ASXL3: variants seen among roughly 807,000 people sequenced by gnomAD.
The protein encoded by ASXL3 is putative Polycomb group protein ASXL3.
ASXL3 carries 34 observed loss-of-function variants against 170.6 expected under a neutral mutation model. The observed-to-expected ratio is 0.20, with a 90% CI of 0.15 to 0.27. The LOEUF (loss-of-function observed/expected upper bound fraction) is 0.27, where lower values mean the gene tolerates loss of function less well. ASXL3 is among the 10% of genes least tolerant of loss of function. ASXL3 has a pLI of 1.00. For synonymous variants in ASXL3, 1,002 were observed against 989.1 expected (o/e 1.01, Z -0.24); for missense variants, 2,592 against 2,695.3 (o/e 0.96, Z 0.85).
intron 2 of ASXL3, among the ~76,000 whole-genome samples, chr18:33,621,492 G>A (rs2065511538): frequency 6.6e-6 from 1 of 152,122 alleles, no homozygotes; most frequent in South Asian, 2.1e-4. Context: ...AAAACTGTTG[G>A]CAGGAGTTAG....
chr18:33,598,020 C>T (rs776723003), intron 1 of ASXL3, among the ~76,000 whole-genome samples: 10 of 152,086 alleles, frequency 6.6e-5, no homozygotes, highest in Non-Finnish European at 8.8e-5. Context: ...CTGCTCTTCA[C>T]GTTATCCTGC....
chr18:33,641,227 T>C (rs2065841811), intron 2 of ASXL3, among the ~76,000 whole-genome samples: 1 of 152,110 alleles, frequency 6.6e-6, no homozygotes, highest in Non-Finnish European at 1.5e-5. Flanking sequence ...CAATAGTTTT[T>C]CTGTATTTCA....
chr18:33,586,807 A>C (rs1449000608), intron 1 of ASXL3, among the ~76,000 whole-genome samples: 3 of 152,154 alleles, frequency 2.0e-5, no homozygotes, highest in Non-Finnish European at 4.4e-5. Flanking sequence ...TTTCAAATGA[A>C]ATTTATCCAG....
In ASXL3 at chr18:33,595,445, C is replaced by T. The variant is rs982088112; in HGVS notation, c.55-12149C>T. Among the ~76,000 whole-genome samples the T allele has an allele frequency of 8.5e-5, 13 of 152,134 alleles. No individual in the cohort carries two copies. In the South Asian group the frequency reaches 2.1e-3, roughly 24 times the overall value. ...TATATCCTGTATCTTTTTAAAATAT[C>T]CTATGAAAGGAATCAACTATAGGCT... is the stretch of plus-strand genomic sequence containing the variant. On this transcript the variant is annotated intron_variant, in intron 1 of 11. Coordinates refer to ENST00000269197, the MANE Select transcript of ASXL3 (RefSeq NM_030632.3).
At chr18:33,720,391 A>G (rs80280153) in intron 8 of ASXL3, among the ~76,000 whole-genome samples, 1,530 of 152,196 alleles carry the variant, frequency 0.01, 12 homozygotes, top group Admixed American at 0.018. Flanking sequence ...ACATAACCTT[A>G]TTTTATCTAT....
At chr18:33,724,114 G>A (rs920344773) in intron 8 of ASXL3, among the ~76,000 whole-genome samples, 58 of 152,182 alleles carry the variant, frequency 3.8e-4, no homozygotes, top group Non-Finnish European at 7.8e-4. Context: ...CTTTATTGTC[G>A]TAGTTTGGAA....
At position 33,743,003 on chromosome 18, in the gene ASXL3, G is replaced by C; in HGVS notation, c.3155G>C (p.Arg1052Thr). Residue 1052 changes from arginine to threonine, a missense_variant, in exon 12 of 12, where the codon AGG becomes ACG. By Grantham distance (71) the Arg-to-Thr change is moderately conservative. Transcript: ENST00000269197. Reference sequence around the variant, plus strand: ...AGTGGCGGGAGGAACACAGGAGCCAGGACCCTCGCAGATATCAAGGCCCGG... The same window carrying C: ...AGTGGCGGGAGGAACACAGGAGCCACGACCCTCGCAGATATCAAGGCCCGG... ...SVSGGRNTGA[R>T]TLADIKARAQ... 1.9e-6 allele frequency: 3 copies of C among 1,613,794 alleles called. No individual in the cohort carries two copies. Among genetic ancestry groups the C allele is most frequent in the Non-Finnish European group, 2.5e-6 (3 of 1,179,818 alleles).
At chr18:33,632,071 G>A (rs1451553403) in intron 2 of ASXL3, among the ~76,000 whole-genome samples, 2 of 152,026 alleles carry the variant, frequency 1.3e-5, no homozygotes, top group African/African-American at 2.4e-5. Context: ...TAATGTTCTT[G>A]TATTACAAAG....
intron 4 of ASXL3, among the ~76,000 whole-genome samples, chr18:33,654,755 A>T (rs943209560): frequency 6.6e-6 from 1 of 151,922 alleles, no homozygotes. Context: ...ATTACTCTCC[A>T]TTACCCTGTG....
At chr18:33,586,267 G>T (rs939727066) in intron 1 of ASXL3, among the ~76,000 whole-genome samples, 3 of 151,806 alleles carry the variant, frequency 2.0e-5, no homozygotes, top group Middle Eastern at 3.2e-3. Flanking sequence ...TCAAATCCTT[G>T]TTGACATAGC....
chr18:33,738,599 G>T lies in ASXL3; in HGVS notation c.1195G>T (p.Ala399Ser). ...TGGCCTTCCAGTTTCTGCACAGACA[G>T]CCTTGGCAGAACAACAGCCAAAAAG... The part of the protein sequence containing the change: ...TSGLPVSAQT[A>S]LAEQQPKSMK... Residue 399 changes from alanine (A) to serine (S), a missense_variant, in exon 11 of 12, where the codon GCC becomes TCC. By Grantham distance (99) the Ala-to-Ser change is moderately conservative. Coordinates refer to ENST00000269197, the MANE Select transcript of ASXL3 (RefSeq NM_030632.3). 1 of 1,613,896 alleles carries T rather than the reference G, an allele frequency of 6.2e-7. No individual in the cohort carries two copies. The highest frequency in any genetic ancestry group is 8.5e-7 in the Non-Finnish European group (1 of 1,179,842).
Position 33,723,905 on chromosome 18 carries a change from C to T in ASXL3, c.880-8063C>T, listed in dbSNP as rs372836930. The stretch of plus-strand genomic sequence containing the variant: ...CCATCAACATCCATGCAAGACCCTC[C>T]GTCAGCAAAAAGATTATGACTCACT... On this transcript the variant is annotated intron_variant, in intron 8 of 11. Coordinates refer to ENST00000269197, the MANE Select transcript of ASXL3 (RefSeq NM_030632.3). Among the ~76,000 whole-genome samples, 51 of 152,188 alleles carry T rather than the reference C, an allele frequency of 3.4e-4. No individual in the cohort carries two copies. The South Asian group carries it at 8.1e-3, about 24-fold the overall frequency.
chr18:33,676,108 C>T (rs1421196967), intron 7 of ASXL3, among the ~76,000 whole-genome samples: 1 of 150,714 alleles, frequency 6.6e-6, no homozygotes, highest in Non-Finnish European at 1.5e-5. Flanking sequence ...CCTGTAGTCC[C>T]AGCTACTCGG....
At chr18:33,614,313 C>T (rs924914859) in intron 2 of ASXL3, 2 of 152,114 alleles carry the variant, frequency 1.3e-5, no homozygotes, top group African/African-American at 4.8e-5. Flanking sequence ...CAAGAAACTA[C>T]CTTCATTACA....
intron 7 of ASXL3, among the ~76,000 whole-genome samples, chr18:33,676,040 CAG>C (rs1568321244): frequency 6.6e-6 from 1 of 151,448 alleles, no homozygotes; most frequent in Admixed American, 6.6e-5. Context: ...CTGGCTAACA[CAG>C]TGAAACCCCG....
At chr18:33,716,897 T>A (rs1292924165) in intron 8 of ASXL3, among the ~76,000 whole-genome samples, 12 of 143,814 alleles carry the variant, frequency 8.3e-5, no homozygotes, top group African/African-American at 2.5e-4. Flanking sequence ...ATTTGCTGGT[T>A]AAAAAAAAAA....
chr18:33,657,255 A>G (rs760556331), intron 4 of ASXL3, among the ~76,000 whole-genome samples: 3 of 152,102 alleles, frequency 2.0e-5, no homozygotes, highest in Admixed American at 6.6e-5. Context: ...AGGAGGGACA[A>G]TCAGACCAAG....
chr18:33,727,759 T>C (rs2067374867), intron 8 of ASXL3, among the ~76,000 whole-genome samples: 1 of 152,194 alleles, frequency 6.6e-6, no homozygotes, highest in African/African-American at 2.4e-5. Flanking sequence ...TTCATTCAAA[T>C]ATATCTTTTG....
rs2067800293 is a variant in ASXL3, at chr18:33,746,655, A to G, written c.*60A>G. 4.0e-6 allele frequency: 6 copies of G among 1,505,018 alleles called. No homozygotes were observed. The South Asian group carries it at 5.4e-5, about 14-fold the overall frequency. The allele number at this position is 1,505,018 out of a possible 1,614,324, so 93.2% of individuals were successfully genotyped here. A position where few individuals can be genotyped will look rare whatever the true frequency, so the allele number is the denominator to read the frequency against. ...ACGGAAAAGCCAAATAGCATCAGCAACAACAAATAGAATAATGCAGTGGTT... is the reference window on the plus strand; with the variant it reads ...ACGGAAAAGCCAAATAGCATCAGCAGCAACAAATAGAATAATGCAGTGGTT... On this transcript the variant is annotated 3_prime_UTR_variant, in exon 12 of 12. Transcript: ENST00000269197.
Sources: gnomAD v4.1 joint callset for allele counts (sites outside exome capture counted in the v4.1 genomes callset) on GRCh38, gnomAD v4.1.1 for gene constraint, MANE v1.5 for transcripts, NCBI Gene and HGNC (gene_info 2026-07-23, HGNC 2026-07-21) for gene names.